The following DNAH3 variants were observed in gnomAD, a reference collection of about 807,000 sequenced individuals.
The protein encoded by DNAH3 is dynein axonemal heavy chain 3, also known as axonemal beta dynein heavy chain 3.
In DNAH3, 332 loss-of-function variants were observed where a neutral mutation model predicts 432.5. That is an observed-to-expected ratio of 0.77 (90% CI 0.70 to 0.84). DNAH3 has a LOEUF of 0.84. Among genes scored for constraint, DNAH3 ranks in the 40% least tolerant of loss-of-function variants. DNAH3 has a pLI of 0.00. For synonymous variants in DNAH3, 1,956 were observed against 1,900.2 expected (o/e 1.03, Z -0.76); for missense variants, 4,861 against 5,114.0 (o/e 0.95, Z 1.51).
At chr16:21,153,321 A>G (rs2092875041) in intron 1 of DNAH3, among the ~76,000 whole-genome samples, 1 of 152,094 alleles carries the variant, frequency 6.6e-6, no homozygotes, top group Non-Finnish European at 1.5e-5. Flanking sequence ...GAATGCACCA[A>G]TCCACACTCT....
In DNAH3 at chr16:21,134,703, T is replaced by C. The variant is rs191956187; in HGVS notation, c.887-249A>G. ...TTATTTATTTATTTATTTTTTGAGATGGAGTCTCGCTCTGTCGCCCAGGCT... is the reference window on the plus strand; with the variant it reads ...TTATTTATTTATTTATTTTTTGAGACGGAGTCTCGCTCTGTCGCCCAGGCT... On this transcript the variant is annotated intron_variant, in intron 6 of 61. Coordinates refer to ENST00000261383, the Ensembl canonical transcript of DNAH3. Among the ~76,000 whole-genome samples, 446 of 151,914 alleles carry C rather than the reference T, an allele frequency of 2.9e-3. 2 individuals are homozygous for C. The highest frequency in any genetic ancestry group is 8.8e-3 in the African/African-American group (364 of 41,368).
In DNAH3 at chr16:21,054,307, T is replaced by C. The variant is rs891949662; in HGVS notation, c.4039+113A>G. ...TCTTACTCTCAGTTGGAGAAAGCTC[T>C]CCCTAATGAGGAAGGAAACCCTGAA... On this transcript the variant is annotated intron_variant, in intron 28 of 61. Transcript: ENST00000261383. The C allele has an allele frequency of 1.2e-5, 9 of 761,260 alleles. No homozygotes were observed. The African/African-American group carries it at 1.4e-4, about 12-fold the overall frequency. The allele number at this position is 761,260 out of a possible 1,614,324, so 47.2% of individuals were successfully genotyped here.
At chr16:21,020,397 A>ATTTTTTTTTTT (rs56049638) in intron 40 of DNAH3, among the ~76,000 whole-genome samples, 2 of 34,594 alleles carry the variant, frequency 5.8e-5, no homozygotes, top group East Asian at 3.4e-3. Flanking sequence ...ATATATATAT[A>ATTTTTTTTTTT]TTTTTTTTTT....
chr16:20,957,808 C>CAAAAAAAAAAAAAAAAAAAAAAAAA lies in DNAH3; in HGVS notation c.10826+1346_10826+1370dup, dbSNP rs762197650. On this transcript the variant is annotated intron_variant, in intron 54 of 61. Transcript: ENST00000261383. ...GGCAATAAGAGCGAAACTCCATCTC[C>CAAAAAAAAAAAAAAAAAAAAAAAAA]AAAAAAAAAAAAAAAAAAAAAAAAA... Among the ~76,000 whole-genome samples, 4 of 53,288 alleles carry CAAAAAAAAAAAAAAAAAAAAAAAAA rather than the reference C, an allele frequency of 7.5e-5. 1 individual carries two copies. Among genetic ancestry groups the CAAAAAAAAAAAAAAAAAAAAAAAAA allele is most frequent in the East Asian group, 4.7e-4 (1 of 2,108 alleles). The allele number at this position is 53,288 out of a possible 152,430, so 35.0% of individuals were successfully genotyped here. A position where few individuals can be genotyped will look rare whatever the true frequency, so the allele number is the denominator to read the frequency against.
intron 36 of DNAH3, among the ~76,000 whole-genome samples, chr16:21,031,541 GC>G (rs1331086921): frequency 2.0e-5 from 3 of 151,724 alleles, no homozygotes; most frequent in Non-Finnish European, 4.4e-5. Flanking sequence ...AATGGAGGCT[GC>G]AGTGAGCTAT....
At chr16:20,988,974 G>A (rs1410912309) in intron 44 of DNAH3, among the ~76,000 whole-genome samples, 3 of 152,212 alleles carry the variant, frequency 2.0e-5, no homozygotes, top group African/African-American at 7.2e-5. Context: ...CTGGCTTCAA[G>A]AGTGAAGTTG....
chr16:21,120,830 A>C (rs756476131), exon 11 of DNAH3: 4 of 1,613,954 alleles, frequency 2.5e-6, no homozygotes, highest in Non-Finnish European at 1.7e-6. Flanking sequence ...GCAGTGAAGG[A>C]GAACTTAAGT....
At chr16:21,149,608 A>C (rs1341613781) in intron 1 of DNAH3, among the ~76,000 whole-genome samples, 4 of 152,164 alleles carry the variant, frequency 2.6e-5, no homozygotes, top group Non-Finnish European at 4.4e-5. Flanking sequence ...CCCCACTCCA[A>C]ATCTTCTGGA....
intron 1 of DNAH3, among the ~76,000 whole-genome samples, chr16:21,148,784 G>A (rs2092818141): frequency 1.3e-5 from 2 of 152,062 alleles, no homozygotes; most frequent in Non-Finnish European, 2.9e-5. Context: ...GAACACATGG[G>A]GCACACACAA....
chr16:20,954,764 G>T lies in DNAH3; in HGVS notation c.11071+49C>A, dbSNP rs904270400. The T allele has an allele frequency of 1.9e-6, 3 of 1,594,554 alleles. No individual in the cohort carries two copies. In the African/African-American group the frequency reaches 4.0e-5, roughly 21 times the overall value. Reference sequence around the variant, plus strand: ...CGCACCTGGAAACACACCTATATGTGTCTGATATCCTTTCCCTCAGGCCAC... The same window carrying T: ...CGCACCTGGAAACACACCTATATGTTTCTGATATCCTTTCCCTCAGGCCAC... On this transcript the variant is annotated intron_variant, in intron 55 of 61. Coordinates refer to ENST00000261383, the Ensembl canonical transcript of DNAH3.
At chr16:21,029,780 T>C (rs532324233) in intron 37 of DNAH3, among the ~76,000 whole-genome samples, 44 of 152,364 alleles carry the variant, frequency 2.9e-4, no homozygotes, top group African/African-American at 1.0e-3. Context: ...AACTCTACTA[T>C]TGAGCTGTGT....
chr16:21,104,644 G>C (rs1422366680), intron 15 of DNAH3, 50 bp from the exon 16 acceptor site: 1 of 1,136,660 alleles, frequency 8.8e-7, no homozygotes, highest in East Asian at 2.4e-5. Context: ...CATAGGTCGG[G>C]TCAGCATGTG....
chr16:20,968,636 C>T (rs2085168129), intron 52 of DNAH3, among the ~76,000 whole-genome samples: 1 of 151,968 alleles, frequency 6.6e-6, no homozygotes, highest in Non-Finnish European at 1.5e-5. Flanking sequence ...GTTTCTAATT[C>T]TCTGTATCCT....
At chr16:20,960,791 GA>G (rs1232579276) in intron 53 of DNAH3, among the ~76,000 whole-genome samples, 3 of 152,212 alleles carry the variant, frequency 2.0e-5, no homozygotes, top group Non-Finnish European at 4.4e-5. Flanking sequence ...AACTGGTCTG[GA>G]GCCTGGATGG....
At chr16:20,982,512 A>G (rs1449734164) in intron 49 of DNAH3, among the ~76,000 whole-genome samples, 1 of 152,206 alleles carries the variant, frequency 6.6e-6, no homozygotes, top group Non-Finnish European at 1.5e-5. Flanking sequence ...GCTAGGACAA[A>G]TCTCCAGGAC....
intron 51 of DNAH3, among the ~76,000 whole-genome samples, chr16:20,974,473 A>AG (rs1490533078): frequency 6.6e-6 from 1 of 150,508 alleles, no homozygotes; most frequent in Admixed American, 6.6e-5. Context: ...GCACGATCCT[A>AG]GTTCACTACA....
At chr16:20,983,982 A>G (rs2086044911) in intron 48 of DNAH3, among the ~76,000 whole-genome samples, 2 of 150,096 alleles carry the variant, frequency 1.3e-5, no homozygotes, top group African/African-American at 2.4e-5. Flanking sequence ...AGCTAGAACC[A>G]CATCACTGCA....
intron 54 of DNAH3, among the ~76,000 whole-genome samples, chr16:20,955,757 G>A (rs935117983): frequency 3.3e-5 from 5 of 152,030 alleles, no homozygotes; most frequent in Admixed American, 6.6e-5. Context: ...GAAAAATAGG[G>A]AGAAATTCTT....
intron 5 of DNAH3, among the ~76,000 whole-genome samples, chr16:21,137,478 AG>A (rs2152826100): frequency 6.7e-6 from 1 of 149,120 alleles, no homozygotes; most frequent in Non-Finnish European, 1.5e-5. Flanking sequence ...GCTGGAGTGC[AG>A]TGGCACAATC....
Sources: gnomAD v4.1 joint callset for allele counts (sites outside exome capture counted in the v4.1 genomes callset) on GRCh38, gnomAD v4.1.1 for gene constraint, MANE v1.5 for transcripts, NCBI Gene and HGNC (gene_info 2026-07-23, HGNC 2026-07-21) for gene names.